HMMR: variants seen among roughly 807,000 people sequenced by gnomAD.
The protein encoded by HMMR is intracellular hyaluronic acid-binding protein.
Under a neutral mutation model 101.0 loss-of-function variants are expected in HMMR, and 108 were observed. The ratio of observed to expected loss-of-function variants is 1.07; its 90% confidence interval spans 0.92 to 1.25. HMMR has a LOEUF of 1.25. Ranked by LOEUF, HMMR falls within the 50% of genes most tolerant of loss-of-function variation. The pLI, the probability that HMMR is intolerant of heterozygous loss-of-function variation, is 0.00. For synonymous variants in HMMR, 296 were observed against 276.4 expected, an observed-to-expected ratio of 1.07 and a Z score of -0.70; for missense variants, 813 against 788.7, an observed-to-expected ratio of 1.03 and a Z score of -0.37.
At chr5:163,485,331 T>C (rs1185893080) in intron 16 of HMMR, among the ~76,000 whole-genome samples, 1 of 152,194 alleles carries the variant, frequency 6.6e-6, no homozygotes, top group Non-Finnish European at 1.5e-5. Flanking sequence ...TCCACATTCT[T>C]ACCAACATTT....
chr5:163,479,072 C>T (rs2113494160), intron 12 of HMMR, among the ~76,000 whole-genome samples: 1 of 152,294 alleles, frequency 6.6e-6, no homozygotes, highest in South Asian at 2.1e-4. Context: ...GCCTGTAGTC[C>T]TAGCCACTGC....
Position 163,473,205 on chromosome 5 carries a change from AT to A in HMMR, c.678del (p.Asp226GlufsTer28). The A allele has an allele frequency of 6.4e-7, 1 of 1,564,088 alleles. No individual in the cohort carries two copies. Among genetic ancestry groups the A allele is most frequent in the African/African-American group, 1.4e-5 (1 of 73,768 alleles). On this transcript the variant is annotated frameshift_variant, in exon 8 of 18. Coordinates refer to ENST00000393915, the MANE Select transcript of HMMR (RefSeq NM_001142556.2). LOFTEE classifies it high-confidence loss of function. ...GTTTCAATAGAGAAAGAAAAGATTGATGAAAAATCTGAAACAGAAAAACTCT... is the reference window on the plus strand; with the variant it reads ...GTTTCAATAGAGAAAGAAAAGATTGAGAAAAATCTGAAACAGAAAAACTCT... ...KLVSIEKEKI[D>X]EKSETEKLLE...
intron 1 of HMMR, 122 bp downstream of exon 1, chr5:163,460,860 G>T (rs1758499645): frequency 1.2e-6 from 1 of 812,168 alleles, no homozygotes; most frequent in Admixed American, 2.1e-5. Flanking sequence ...TCATTCAGTT[G>T]ATTGATTTTT....
At chr5:163,473,640 C>CTT in intron 9 of HMMR, 83 bp downstream of exon 9, 1 of 793,484 alleles carries the variant, frequency 1.3e-6, no homozygotes, top group South Asian at 2.2e-5. Context: ...CTAAAACAAC[C>CTT]TTTTAAATAT....
At chr5:163,490,941 G>T (rs1759671459) in intron 17 of HMMR, among the ~76,000 whole-genome samples, 171 bp from the exon 18 acceptor site, 1 of 152,116 alleles carries the variant, frequency 6.6e-6, no homozygotes, top group Non-Finnish European at 1.5e-5. Context: ...GTGAATGTTT[G>T]TCTTTCACGA....
intron 7 of HMMR, among the ~76,000 whole-genome samples, chr5:163,472,047 A>AT (rs1366088758): frequency 1.5e-4 from 22 of 146,404 alleles, no homozygotes; most frequent in Admixed American, 1.4e-3. Flanking sequence ...TATTATTATT[A>AT]TTATTTATTT....
intron 3 of HMMR, among the ~76,000 whole-genome samples, chr5:163,466,543 C>T (rs1758713987): frequency 6.6e-6 from 1 of 152,036 alleles, no homozygotes; most frequent in Admixed American, 6.6e-5. Flanking sequence ...GTTAGTGGAA[C>T]GCTTTTAAAT....
At position 163,483,356 on chromosome 5, in the gene HMMR, A is replaced by C; in HGVS notation, c.1774A>C (p.Lys592Gln). Residue 592 changes from lysine to glutamine, a missense_variant, in exon 15 of 18, where the codon AAA becomes CAA. Physicochemically the swap from Lys to Gln is moderately conservative, Grantham distance 53. Coordinates refer to ENST00000393915, the MANE Select transcript of HMMR (RefSeq NM_001142556.2). ...CTATGAAGAACTATATAATAAAACA[A>C]AACCTTTTCAGGTTTGTCAGTTAGG... ...LLYEELYNKT[K>Q]PFQLQLDAFE... 1.9e-6 allele frequency: 3 copies of C among 1,564,164 alleles called. No homozygotes were observed. Among genetic ancestry groups the C allele is most frequent in the Non-Finnish European group, 2.6e-6 (3 of 1,139,964 alleles).
In HMMR at chr5:163,475,650, C is replaced by T; in HGVS notation, c.1246C>T (p.Leu416Phe). The change falls in exon 11 of 18, where the codon CTC (leucine) becomes TTC (phenylalanine). Residue 416 changes from leucine to phenylalanine, a missense_variant. Coordinates refer to ENST00000393915, the MANE Select transcript of HMMR (RefSeq NM_001142556.2). Reference sequence around the variant, plus strand: ...AAAATCTAGAGCTGAAGAATTAAAACTCCTAGAAGAAAAGCTGAAAGGGTT... The same window carrying T: ...AAAATCTAGAGCTGAAGAATTAAAATTCCTAGAAGAAAAGCTGAAAGGGTT... The part of the protein sequence containing the change: ...EAKSRAEELK[L>F]LEEKLKGKEA... 1 of 1,602,912 alleles carries T rather than the reference C, an allele frequency of 6.2e-7. No individual in the cohort carries two copies. Among genetic ancestry groups the T allele is most frequent in the Non-Finnish European group, 8.5e-7 (1 of 1,171,662 alleles).
chr5:163,474,243 G>A, intron 10 of HMMR, 38 bp downstream of exon 10: 1 of 1,509,750 alleles, frequency 6.6e-7, no homozygotes, highest in Non-Finnish European at 9.1e-7. Flanking sequence ...TGTTCATTTT[G>A]TGTCATACAT....
intron 10 of HMMR, chr5:163,474,485 A>G: frequency 2.1e-6 from 1 of 477,866 alleles, no homozygotes; most frequent in Non-Finnish European, 4.1e-6. Flanking sequence ...TTTAGGCTAT[A>G]TAAACATTTA....
At chr5:163,483,466 T>C (rs1279781288) in intron 15 of HMMR, 99 bp downstream of exon 15, 2 of 660,202 alleles carry the variant, frequency 3.0e-6, no homozygotes, top group African/African-American at 1.8e-5. Context: ...TGCAAGATCA[T>C]TTTGCTCTGC....
intron 13 of HMMR, 38 bp from the exon 14 acceptor site, chr5:163,482,982 A>G: frequency 1.3e-6 from 2 of 1,535,844 alleles, no homozygotes; most frequent in Admixed American, 2.2e-5. Flanking sequence ...GAAAGTGGCT[A>G]TAAAATGTTT....
At chr5:163,469,941 G>C (rs986936249) in intron 5 of HMMR, 112 bp downstream of exon 5, 2 of 648,956 alleles carry the variant, frequency 3.1e-6, no homozygotes, top group Non-Finnish European at 5.2e-6. Flanking sequence ...GCCAAGGCAG[G>C]CGGATCACCT....
intron 12 of HMMR, among the ~76,000 whole-genome samples, chr5:163,479,645 A>G (rs914573668): frequency 6.6e-6 from 1 of 152,244 alleles, no homozygotes; most frequent in African/African-American, 2.4e-5. Flanking sequence ...CCTGGGTGAC[A>G]GAGCAAGACT....
Position 163,490,429 on chromosome 5 carries a change from C to A in HMMR, c.2002C>A (p.Gln668Lys). The change falls in exon 17 of 18, where the codon CAA (glutamine) becomes AAA (lysine). Residue 668 changes from glutamine (Q) to lysine (K), a missense_variant. Physicochemically the swap from Gln to Lys is moderately conservative, Grantham distance 53. Transcript: ENST00000393915. ...KLRCQLAKKK[Q>K]SETKLQEELN... ...CCGCTGTCAGCTTGCTAAAAAAAAA[C>A]AAAGTGAGACAAAACTTCAAGAGGA... 5 of 1,585,994 alleles carry A rather than the reference C, an allele frequency of 3.2e-6. No homozygotes were observed. The highest frequency in any genetic ancestry group is 1.4e-5 in the African/African-American group (1 of 73,138).
At position 163,474,216 on chromosome 5, in the gene HMMR, A is replaced by G. The variant is rs1235115444; in HGVS notation, c.1053+11A>G. On this transcript the variant is annotated intron_variant, in intron 10 of 17. Coordinates refer to ENST00000393915, the MANE Select transcript of HMMR (RefSeq NM_001142556.2). Reference sequence around the variant, plus strand: ...CTGCAACAAGAGAAAGTAATTTACCACCATATTTTTTTAAACTGTTCATTT... The same window carrying G: ...CTGCAACAAGAGAAAGTAATTTACCGCCATATTTTTTTAAACTGTTCATTT... 28 of 1,593,880 alleles carry G rather than the reference A, an allele frequency of 1.8e-5. No homozygotes were observed. Among genetic ancestry groups the G allele is most frequent in the Non-Finnish European group, 2.4e-5 (28 of 1,169,560 alleles).
Position 163,460,708 on chromosome 5 carries a change from G to A in HMMR, c.16G>A (p.Ala6Thr). The A allele has an allele frequency of 6.2e-7, 1 of 1,608,276 alleles. No individual in the cohort carries two copies. The highest frequency in any genetic ancestry group is 1.1e-5 in the South Asian group (1 of 89,712). The change falls in exon 1 of 18, where the codon GCG becomes ACG. Residue 6 changes from alanine (A) to threonine (T), a missense_variant. Transcript: ENST00000393915. MSFPK[A>T]PLKRFNDPSG... ...GGCCGTCAACATGTCCTTTCCTAAGGCGCCCTTGAAACGATTCAATGACCC... is the reference window on the plus strand; with the variant it reads ...GGCCGTCAACATGTCCTTTCCTAAGACGCCCTTGAAACGATTCAATGACCC...
Position 163,475,729 on chromosome 5 carries a change from T to G in HMMR, c.1268+57T>G, listed in dbSNP as rs531703744. Reference sequence around the variant, plus strand: ...TGACTTCAGATGTATTTATTTTGAGTACTTTTTTTAGTATTCTCTTATCAA... The same window carrying G: ...TGACTTCAGATGTATTTATTTTGAGGACTTTTTTTAGTATTCTCTTATCAA... On this transcript the variant is annotated intron_variant, in intron 11 of 17. Coordinates refer to ENST00000393915, the MANE Select transcript of HMMR (RefSeq NM_001142556.2). The G allele has an allele frequency of 4.7e-4, 384 of 824,114 alleles. No homozygotes were observed. In the African/African-American group the frequency reaches 6.3e-3, roughly 14 times the overall value. 51.1% of individuals were successfully genotyped at this position (824,114 alleles called of 1,614,324 possible).
Sources: gnomAD v4.1 joint callset for allele counts (sites outside exome capture counted in the v4.1 genomes callset) on GRCh38, gnomAD v4.1.1 for gene constraint, MANE v1.5 for transcripts, NCBI Gene and HGNC (gene_info 2026-07-23, HGNC 2026-07-21) for gene names.